The following KANK1 variants were observed in gnomAD, a reference collection of about 807,000 sequenced individuals.
The protein encoded by KANK1 is KN motif and ankyrin repeat domain-containing protein 1.
KANK1 carries 109 observed loss-of-function variants against 106.2 expected under a neutral mutation model. The ratio of observed to expected loss-of-function variants is 1.03; its 90% CI spans 0.88 to 1.20. The LOEUF (loss-of-function observed/expected upper bound fraction) is 1.20, where lower values mean the gene tolerates loss of function less well. Among genes scored for constraint, KANK1 ranks in the 50% most tolerant of loss-of-function variants. KANK1 has a pLI of 0.00. For synonymous variants in KANK1, 873 were observed against 652.2 expected (o/e 1.34, Z -5.16); for missense variants, 2,399 against 1,710.7 (o/e 1.40, Z -7.10).
At chr9:606,044 C>G (rs966270842) in intron 1 of KANK1, among the ~76,000 whole-genome samples, 4 of 150,990 alleles carry the variant, frequency 2.6e-5, no homozygotes, top group African/African-American at 7.4e-5. Context: ...TCAGTTTTAT[C>G]AAATTAAGAT....
intron 1 of KANK1, chr9:548,997 A>T (rs138179262): frequency 6.6e-6 from 1 of 152,226 alleles, no homozygotes; most frequent in African/African-American, 2.4e-5. Flanking sequence ...TCAAAGAACT[A>T]TCATTGCATG....
intron 3 of KANK1, among the ~76,000 whole-genome samples, chr9:475,148 G>C (rs557660235): frequency 6.6e-6 from 1 of 152,254 alleles, no homozygotes; most frequent in African/African-American, 2.4e-5. Flanking sequence ...TGGGCAGGTG[G>C]GCTCAAGCAT....
At chr9:717,019 C>T (rs1827897958) in intron 3 of KANK1, among the ~76,000 whole-genome samples, 1 of 151,762 alleles carries the variant, frequency 6.6e-6, no homozygotes, top group Admixed American at 6.6e-5. Context: ...TGCACGGTGG[C>T]TCACACCTGT....
chr9:568,442 T>G (rs970587852), intron 1 of KANK1, among the ~76,000 whole-genome samples: 1 of 152,186 alleles, frequency 6.6e-6, no homozygotes, highest in African/African-American at 2.4e-5. Flanking sequence ...TGTAAGTCTG[T>G]GGGGTTTTTT....
At chr9:532,789 A>G (rs1440914257) in intron 1 of KANK1, among the ~76,000 whole-genome samples, 1 of 152,134 alleles carries the variant, frequency 6.6e-6, no homozygotes, top group East Asian at 1.9e-4. Flanking sequence ...GTGCATTTCC[A>G]GATTTCTGGA....
chr9:650,018 C>T (rs1588572102), intron 1 of KANK1, among the ~76,000 whole-genome samples: 1 of 152,178 alleles, frequency 6.6e-6, no homozygotes, highest in East Asian at 1.9e-4. Flanking sequence ...AAAGGTGCTA[C>T]TTCGTAAGAC....
intron 1 of KANK1, among the ~76,000 whole-genome samples, chr9:616,929 G>A (rs1022287346): frequency 1.3e-5 from 2 of 152,202 alleles, no homozygotes; most frequent in African/African-American, 4.8e-5. Flanking sequence ...TGCCACACCC[G>A]AGTTGAGTGA....
intron 1 of KANK1, among the ~76,000 whole-genome samples, chr9:618,191 AT>A (rs1202915631): frequency 1.3e-5 from 2 of 152,282 alleles, no homozygotes; most frequent in African/African-American, 2.4e-5. Flanking sequence ...AATACAGGCT[AT>A]TCTAATTCCA....
chr9:692,683 ACT>A (rs1246095166), intron 2 of KANK1, among the ~76,000 whole-genome samples: 3 of 149,580 alleles, frequency 2.0e-5, no homozygotes, highest in Admixed American at 6.8e-5. Context: ...GTTATCATTT[ACT>A]TTTGACAGAA....
At chr9:707,169 C>T (rs1824510339) in intron 2 of KANK1, 1 of 985,634 alleles carries the variant, frequency 1.0e-6, no homozygotes, top group African/African-American at 1.7e-5. Flanking sequence ...TCGAGGGCGC[C>T]CGAGGCCGGG....
intron 3 of KANK1, among the ~76,000 whole-genome samples, chr9:488,473 T>A (rs2058329311): frequency 6.6e-6 from 1 of 152,246 alleles, no homozygotes; most frequent in African/African-American, 2.4e-5. Flanking sequence ...TGTCTTATTC[T>A]AACTTGGAGA....
At chr9:634,840 C>A (rs771263325) in intron 1 of KANK1, among the ~76,000 whole-genome samples, 1 of 152,166 alleles carries the variant, frequency 6.6e-6, no homozygotes, top group Non-Finnish European at 1.5e-5. Context: ...CCACTGATAT[C>A]ATTAGGGGCC....
chr9:739,662 T>C (rs1834825011), intron 8 of KANK1, among the ~76,000 whole-genome samples: 2 of 152,186 alleles, frequency 1.3e-5, no homozygotes, highest in Non-Finnish European at 2.9e-5. Flanking sequence ...TCACTATCAC[T>C]CCTGACAGGA....
intron 1 of KANK1, among the ~76,000 whole-genome samples, chr9:562,714 T>C (rs957334718): frequency 6.6e-6 from 1 of 152,202 alleles, no homozygotes; most frequent in African/African-American, 2.4e-5. Flanking sequence ...TTACAAATAT[T>C]AGTTGTCAAG....
chr9:579,296 C>G (rs565400023), intron 1 of KANK1, among the ~76,000 whole-genome samples: 2 of 151,986 alleles, frequency 1.3e-5, no homozygotes, highest in South Asian at 2.1e-4. Context: ...TGGTATTCAA[C>G]TGGGAATCTT....
chr9:738,556 A>C, intron 8 of KANK1, 52 bp downstream of exon 8: 1 of 1,443,476 alleles, frequency 6.9e-7, no homozygotes, highest in East Asian at 2.3e-5. Flanking sequence ...TTGGGTTGTG[A>C]CTCATCTCAG....
At chr9:729,272 A>G (rs1254308926) in intron 3 of KANK1, among the ~76,000 whole-genome samples, 1 of 152,228 alleles carries the variant, frequency 6.6e-6, no homozygotes, top group Non-Finnish European at 1.5e-5. Flanking sequence ...GTCTAAAACC[A>G]TCATACAAGT....
At chr9:491,695 A>G (rs1297612298) in intron 3 of KANK1, among the ~76,000 whole-genome samples, 3 of 152,208 alleles carry the variant, frequency 2.0e-5, no homozygotes, top group African/African-American at 7.2e-5. Context: ...CAAATCACCT[A>G]AAGCAGGAGT....
In KANK1 at chr9:612,138, C is replaced by G. The variant is rs113301895; in HGVS notation, c.-83-64752C>G. The stretch of plus-strand genomic sequence containing the variant: ...CATAGTACCTCCCACACAAAGCCAC[C>G]TATGCCTCTTAAATTGCACTTTGTT... On this transcript the variant is annotated intron_variant, in intron 1 of 11. Coordinates refer to ENST00000382297, the MANE Select transcript of KANK1 (RefSeq NM_015158.5). Among the ~76,000 whole-genome samples, 1,095 of 152,290 alleles carry G rather than the reference C, an allele frequency of 7.2e-3. 4 individuals are homozygous for G. Among genetic ancestry groups the G allele is most frequent in the Middle Eastern group, 0.02 (6 of 294 alleles).
Sources: allele counts gnomAD v4.1 joint callset (sites outside exome capture counted in the v4.1 genomes callset), GRCh38; gene constraint gnomAD v4.1.1; transcripts MANE v1.5; gene names NCBI Gene and HGNC (gene_info 2026-07-23, HGNC 2026-07-21).